Variants in STXBP5L observed in about 807,000 individuals in gnomAD.
The protein encoded by STXBP5L is syntaxin-binding protein 5-like.
STXBP5L carries 65 observed loss-of-function variants against 144.5 expected under a neutral mutation model. That is an observed-to-expected ratio of 0.45 (90% CI 0.37 to 0.55). The LOEUF (loss-of-function observed/expected upper bound fraction) is 0.55. Among genes scored for constraint, STXBP5L ranks in the 20% least tolerant of loss-of-function variants. The pLI is 0.00. For synonymous variants in STXBP5L, 505 were observed against 469.6 expected, an observed-to-expected ratio of 1.08 and a Z score of -0.97; for missense variants, 1,298 against 1,405.5, an observed-to-expected ratio of 0.92 and a Z score of 1.22.
At chr3:121,367,530 C>A (rs1320084079) in intron 20 of STXBP5L, among the ~76,000 whole-genome samples, 1 of 150,098 alleles carries the variant, frequency 6.7e-6, no homozygotes, top group Non-Finnish European at 1.5e-5. Context: ...ATTAAGGATG[C>A]CTTGTATATG....
At chr3:121,374,320 G>T (rs1243808380) in intron 20 of STXBP5L, among the ~76,000 whole-genome samples, 1 of 152,152 alleles carries the variant, frequency 6.6e-6, no homozygotes, top group East Asian at 1.9e-4. Flanking sequence ...TTTCTCTATG[G>T]AAGCTACTTT....
chr3:121,230,494 A>G (rs2049270985), intron 11 of STXBP5L, among the ~76,000 whole-genome samples: 1 of 149,946 alleles, frequency 6.7e-6, no homozygotes, highest in Non-Finnish European at 1.5e-5. Context: ...TTATAAAAGT[A>G]ATGACCTTAA....
chr3:121,027,081 C>T (rs992559890), intron 3 of STXBP5L, among the ~76,000 whole-genome samples: 1 of 151,620 alleles, frequency 6.6e-6, no homozygotes, highest in South Asian at 2.1e-4. Context: ...GTAAGTTTTT[C>T]TATTTATGTG....
intron 9 of STXBP5L, among the ~76,000 whole-genome samples, chr3:121,190,755 C>T (rs1258678738): frequency 6.6e-6 from 1 of 151,984 alleles, no homozygotes; most frequent in Non-Finnish European, 1.5e-5. Flanking sequence ...GGGCAGCTGC[C>T]GGGCGGAGGG....
intron 19 of STXBP5L, among the ~76,000 whole-genome samples, chr3:121,289,869 A>G (rs2051364117): frequency 6.6e-6 from 1 of 152,158 alleles, no homozygotes; most frequent in Non-Finnish European, 1.5e-5. Context: ...GAGTGGTAAT[A>G]GTGGCACAAC....
intron 20 of STXBP5L, among the ~76,000 whole-genome samples, chr3:121,349,212 T>C (rs2045155708): frequency 6.6e-6 from 1 of 152,184 alleles, no homozygotes; most frequent in Admixed American, 6.5e-5. Flanking sequence ...CATTTTGTTA[T>C]GTACCCAGTA....
At chr3:120,983,017 C>T (rs1202044798) in intron 3 of STXBP5L, among the ~76,000 whole-genome samples, 1 of 152,164 alleles carries the variant, frequency 6.6e-6, no homozygotes, top group East Asian at 1.9e-4. Flanking sequence ...GGAGGCTGGA[C>T]CTTTCTCTGC....
chr3:121,260,266 G>T (rs1428734714), intron 18 of STXBP5L, among the ~76,000 whole-genome samples: 1 of 152,066 alleles, frequency 6.6e-6, no homozygotes, highest in East Asian at 1.9e-4. Flanking sequence ...CTGTAAAGTT[G>T]TTGGCCTTCA....
At chr3:121,383,639 G>GAA (rs1041591956) in intron 22 of STXBP5L, among the ~76,000 whole-genome samples, 13 of 152,094 alleles carry the variant, frequency 8.5e-5, no homozygotes, top group African/African-American at 3.1e-4. Flanking sequence ...TTACAAGAAA[G>GAA]AAAGTCTACT....
chr3:121,084,740 G>A (rs922917078), intron 5 of STXBP5L, among the ~76,000 whole-genome samples: 2 of 152,012 alleles, frequency 1.3e-5, no homozygotes, highest in Non-Finnish European at 2.9e-5. Flanking sequence ...AGATTGCTGG[G>A]TCAAATGGTA....
At chr3:121,063,092 G>T (rs1232610321) in intron 5 of STXBP5L, among the ~76,000 whole-genome samples, 1 of 152,112 alleles carries the variant, frequency 6.6e-6, no homozygotes, top group Non-Finnish European at 1.5e-5. Flanking sequence ...GAGTCATTCT[G>T]GTTCTTGGAA....
chr3:121,198,287 T>C (rs2048001238), intron 9 of STXBP5L, among the ~76,000 whole-genome samples: 1 of 152,226 alleles, frequency 6.6e-6, no homozygotes, highest in African/African-American at 2.4e-5. Flanking sequence ...TGCATAAATG[T>C]CTTTTGAGAA....
intron 2 of STXBP5L, among the ~76,000 whole-genome samples, chr3:120,924,096 A>G (rs979570370): frequency 3.3e-5 from 5 of 152,202 alleles, no homozygotes; most frequent in Non-Finnish European, 5.9e-5. Flanking sequence ...AGTTATTACT[A>G]TTCTCATGGA....
chr3:121,157,560 A>G lies in STXBP5L; in HGVS notation c.810A>G (p.Ser270=), dbSNP rs2046163504. 1 of 1,606,208 alleles carries G rather than the reference A, an allele frequency of 6.2e-7. No individual in the cohort carries two copies. Among genetic ancestry groups the G allele is most frequent in the Non-Finnish European group, 8.5e-7 (1 of 1,176,968 alleles). The change falls in exon 9 of 27, where the codon TCA becomes TCG. Residue 270 remains serine (S), a synonymous_variant. Coordinates refer to ENST00000471454, the MANE Select transcript of STXBP5L (RefSeq NM_001308330.2). The stretch of plus-strand genomic sequence containing the variant: ...GCAAACAGTTCATGTGCAGCCATTC[A>G]GATGGTAGTTTGACTTTATGGAACC... The part of the protein sequence containing the change: ...HEGKQFMCSH[S]DGSLTLWNLK...
At chr3:120,975,700 T>C (rs1940902666) in intron 3 of STXBP5L, among the ~76,000 whole-genome samples, 1 of 152,208 alleles carries the variant, frequency 6.6e-6, no homozygotes, top group Non-Finnish European at 1.5e-5. Context: ...TAGCTCTTAT[T>C]ATTTTGAGAT....
intron 12 of STXBP5L, among the ~76,000 whole-genome samples, chr3:121,234,571 G>A (rs1395887575): frequency 6.6e-6 from 1 of 152,048 alleles, no homozygotes; most frequent in African/African-American, 2.4e-5. Flanking sequence ...TGAAGGAGGG[G>A]CTCTGTCTCC....
At chr3:121,248,922 G>T in intron 14 of STXBP5L, among the ~76,000 whole-genome samples, 1 of 146,522 alleles carries the variant, frequency 6.8e-6, no homozygotes, top group Admixed American at 6.6e-5. Flanking sequence ...CCCATTGTTT[G>T]TTTTTGTCAG....
chr3:121,111,616 C>A (rs1188084848), intron 5 of STXBP5L, among the ~76,000 whole-genome samples: 1 of 152,172 alleles, frequency 6.6e-6, no homozygotes, highest in Non-Finnish European at 1.5e-5. Context: ...AGCTCCATCC[C>A]AGAGGGGCAC....
chr3:121,118,899 G>T (rs2044340834), intron 6 of STXBP5L, among the ~76,000 whole-genome samples: 1 of 151,436 alleles, frequency 6.6e-6, no homozygotes, highest in African/African-American at 2.4e-5. Context: ...TAGCTCCATT[G>T]AATTGTATGT....
Sources: allele counts gnomAD v4.1 joint callset (sites outside exome capture counted in the v4.1 genomes callset), GRCh38; gene constraint gnomAD v4.1.1; transcripts MANE v1.5; gene names NCBI Gene and HGNC (gene_info 2026-07-23, HGNC 2026-07-21).